The following LHX4 variants were observed in gnomAD, a reference collection of about 807,000 sequenced individuals.
The protein encoded by LHX4 is LIM homeobox 4, also known as LIM/homeobox protein Lhx4.
Under a neutral mutation model 39.2 loss-of-function variants are expected in LHX4, and 16 were observed. The ratio of observed to expected loss-of-function variants is 0.41; its 90% CI spans 0.28 to 0.62. LHX4 has a LOEUF of 0.62. Ranked by LOEUF, LHX4 falls within the 20% of genes least tolerant of loss-of-function variation. LHX4 has a pLI of 0.33. For missense variants in LHX4, 439 were observed against 511.9 expected, an observed-to-expected ratio of 0.86 and a Z score of 1.37; for synonymous variants, 206 against 198.1, an observed-to-expected ratio of 1.04 and a Z score of -0.33.
At chr1:180,268,337 T>C (rs1321156590) in intron 3 of LHX4, among the ~76,000 whole-genome samples, 1 of 152,102 alleles carries the variant, frequency 6.6e-6, no homozygotes, top group Non-Finnish European at 1.5e-5. Flanking sequence ...TCTCCTGATG[T>C]TGTGGGTGGT....
chr1:180,270,886 GGCT>G, intron 3 of LHX4: 8 of 208,390 alleles, frequency 3.8e-5, no homozygotes, highest in South Asian at 1.3e-4. Flanking sequence ...GCTCACCCCT[GGCT>G]GTGAGCCCAG....
chr1:180,235,580 G>C (rs12757880), intron 1 of LHX4, among the ~76,000 whole-genome samples: 1 of 152,210 alleles, frequency 6.6e-6, no homozygotes, highest in Non-Finnish European at 1.5e-5. Context: ...GCCGCCGGCG[G>C]GTGTGCCCGG....
chr1:180,258,989 G>A (rs573937905), intron 2 of LHX4, among the ~76,000 whole-genome samples: 2 of 152,086 alleles, frequency 1.3e-5, no homozygotes, highest in Non-Finnish European at 2.9e-5. Flanking sequence ...GGTGCGGGGG[G>A]TGTTGGTAGG....
At chr1:180,247,385 G>T (rs1005743873) in intron 1 of LHX4, among the ~76,000 whole-genome samples, 2 of 152,184 alleles carry the variant, frequency 1.3e-5, no homozygotes, top group African/African-American at 4.8e-5. Context: ...GGAGCCAGCT[G>T]GTTGGAGCTT....
chr1:180,229,155 T>TA (rs1197291303), upstream of LHX4, among the ~76,000 whole-genome samples: 1 of 152,266 alleles, frequency 6.6e-6, no homozygotes, highest in Non-Finnish European at 1.5e-5. Context: ...GTAAATACAG[T>TA]AAGCATGGCA....
rs570487398 is a variant in LHX4 at position 180,231,158 on chromosome 1, C to T, written c.76+553C>T. Among the ~76,000 whole-genome samples the T allele has an allele frequency of 5.9e-5, 9 of 151,578 alleles. No homozygotes were observed. In the East Asian group the frequency reaches 8.0e-4, roughly 13 times the overall value. ...CCGCTACTGCCCGCGGCGCCCGCCG[C>T]GTGCGCCGCGGGAAACTGACTGCTC... On this transcript the variant is annotated intron_variant, in intron 1 of 5. Transcript: ENST00000263726.
rs1664249936 is a variant in LHX4 at position 180,234,170 on chromosome 1, T to TATATAC, written c.76+3570_76+3571insCATATA. On this transcript the variant is annotated intron_variant, in intron 1 of 5. Coordinates refer to ENST00000263726, the MANE Select transcript of LHX4 (RefSeq NM_033343.4). This position sits in a 1 kb window ranked among gnomAD's most constrained non-coding sequence, Gnocchi z 4.8. ...ACAGACACACACAACACACACAAAT[T>TATATAC]ATATATATATATATATATATATATA... 8.1e-3 allele frequency among the ~76,000 whole-genome samples: 17 copies of TATATAC among 2,110 alleles called. No homozygotes were observed. Among genetic ancestry groups the TATATAC allele is most frequent in the South Asian group, 0.054 (5 of 92 alleles). The allele number at this position is 2,110 out of a possible 152,430, so 1.4% of individuals were successfully genotyped here.
intron 2 of LHX4, among the ~76,000 whole-genome samples, chr1:180,251,605 G>A (rs1647630156): frequency 6.6e-6 from 1 of 152,236 alleles, no homozygotes; most frequent in South Asian, 2.1e-4. Context: ...TGCTGGGTTT[G>A]ATGCTGCAAC....
At chr1:180,272,697 G>A (rs890430999) in intron 5 of LHX4, 16 of 152,236 alleles carry the variant, frequency 1.1e-4, no homozygotes, top group African/African-American at 2.9e-4. Flanking sequence ...GGTCTTCTGC[G>A]GAGGGGGAAA....
At chr1:180,273,795 G>T (rs1648837346) in intron 5 of LHX4, 2 of 251,232 alleles carry the variant, frequency 8.0e-6, no homozygotes, top group Non-Finnish European at 1.6e-5. Flanking sequence ...TTCTCAGCTT[G>T]AAAGCTTTCA....
Position 180,266,694 on chromosome 1 carries a change from C to T in LHX4, c.451+100C>T. 8.6e-7 allele frequency: 1 copy of T among 1,166,690 alleles called. No individual in the cohort carries two copies. Among genetic ancestry groups the T allele is most frequent in the Middle Eastern group, 2.5e-4 (1 of 4,044 alleles). The allele number at this position is 1,166,690 out of a possible 1,614,324, so 72.3% of individuals were successfully genotyped here. On this transcript the variant is annotated intron_variant, in intron 3 of 5. Transcript: ENST00000263726. This position sits in a 1 kb window ranked among gnomAD's most constrained non-coding sequence, Gnocchi z 5.7. ...CTCATGGCGTCCCACCTGCCCATCCCTCAGAGCCCTACTCATGCACCGCCA... is the reference window on the plus strand; with the variant it reads ...CTCATGGCGTCCCACCTGCCCATCCTTCAGAGCCCTACTCATGCACCGCCA...
At position 180,232,088 on chromosome 1, in the gene LHX4, A is replaced by G. The variant is rs2149250979; in HGVS notation, c.76+1483A>G. Among the ~76,000 whole-genome samples the G allele has an allele frequency of 6.6e-6, 1 of 152,330 alleles. No individual in the cohort carries two copies. Among genetic ancestry groups the G allele is most frequent in the South Asian group, 2.1e-4 (1 of 4,832 alleles). ...ATTCACTACGCCCCACACCCCGCAC[A>G]CAGGCAGGGACAGAGTGGGTTCTCA... is the stretch of plus-strand genomic sequence containing the variant. On this transcript the variant is annotated intron_variant, in intron 1 of 5. Transcript: ENST00000263726. The surrounding 1 kb of genome is among the most constrained non-coding windows in gnomAD (Gnocchi z 5.4).
chr1:180,250,348 T>TGTGTGTGTGTGTGTGTGTGTGTGTGC (rs561965552), intron 2 of LHX4, among the ~76,000 whole-genome samples: 1 of 63,436 alleles, frequency 1.6e-5, no homozygotes, highest in African/African-American at 7.5e-5. Flanking sequence ...TGTGTGTGTG[T>TGTGTGTGTGTGTGTGTGTGTGTGTGC]GCGCGCGTGG....
At chr1:180,258,136 G>A (rs1647947328) in intron 2 of LHX4, among the ~76,000 whole-genome samples, 1 of 152,192 alleles carries the variant, frequency 6.6e-6, no homozygotes, top group Non-Finnish European at 1.5e-5. Context: ...TTCTAGAGAG[G>A]GGGAAACAGG....
At chr1:180,271,771 G>T (rs2149266676) in intron 4 of LHX4, 64 bp from the exon 5 acceptor site, 3 of 1,582,548 alleles carry the variant, frequency 1.9e-6, no homozygotes, top group East Asian at 4.5e-5. Context: ...CGCCTAGGGG[G>T]TCCTGGGGGC....
In LHX4 at chr1:180,235,377, A is replaced by C. The variant is rs1664291614; in HGVS notation, c.76+4772A>C. ...AGCAAGGATAGGCGCGGCAGGCGCG[A>C]GTGCGGACGGCGCGCCCATTAGGAG... On this transcript the variant is annotated intron_variant, in intron 1 of 5. Transcript: ENST00000263726. Among the ~76,000 whole-genome samples the C allele has an allele frequency of 2.6e-5, 4 of 152,350 alleles. No individual in the cohort carries two copies. The South Asian group carries it at 8.3e-4, about 32-fold the overall frequency.
At chr1:180,240,707 C>T (rs1664425774) in intron 1 of LHX4, among the ~76,000 whole-genome samples, 1 of 152,212 alleles carries the variant, frequency 6.6e-6, no homozygotes, top group Admixed American at 6.5e-5. Context: ...TATTATCTCT[C>T]ACCAGAGGGG....
At position 180,274,610 on chromosome 1, in the gene LHX4, CT is replaced by C. The variant is rs1192772938; in HGVS notation, c.*32del. 2 of 1,526,260 alleles carry C rather than the reference CT, an allele frequency of 1.3e-6. No homozygotes were observed. The highest frequency in any genetic ancestry group is 2.7e-5 in the African/African-American group (2 of 72,824). 94.5% of individuals were successfully genotyped at this position (1,526,260 alleles called of 1,614,324 possible). A position where few individuals can be genotyped will look rare whatever the true frequency, so the allele number is the denominator to read the frequency against. On this transcript the variant is annotated 3_prime_UTR_variant, in exon 6 of 6. Transcript: ENST00000263726. ...TCTCCTCCCCACCCTACCTGCCCCC[CT>C]GGCTTGAGAGAATATCTTCAAGGAT...
In LHX4 at chr1:180,245,352, C is replaced by A. The variant is rs1325977897; in HGVS notation, c.77-2933C>A. On this transcript the variant is annotated intron_variant, in intron 1 of 5. Coordinates refer to ENST00000263726, the MANE Select transcript of LHX4 (RefSeq NM_033343.4). ...AGACTGGTGGGCTCATGTGTCACCTCCTCACCAAGACCTTCCAGGGCCCTC... is the reference window on the plus strand; with the variant it reads ...AGACTGGTGGGCTCATGTGTCACCTACTCACCAAGACCTTCCAGGGCCCTC... Among the ~76,000 whole-genome samples the A allele has an allele frequency of 1.3e-4, 20 of 152,366 alleles. No homozygotes were observed. In the South Asian group the frequency reaches 4.1e-3, roughly 32 times the overall value.
Sources: gnomAD v4.1 joint callset for allele counts (sites outside exome capture counted in the v4.1 genomes callset) on GRCh38, gnomAD v4.1.1 for gene constraint, Gnocchi (gnomAD v3.1) non-coding constraint, MANE v1.5 for transcripts, NCBI Gene and HGNC (gene_info 2026-07-23, HGNC 2026-07-21) for gene names.